The following DPP10 variants were observed in gnomAD, a reference collection of about 807,000 sequenced individuals.
The protein encoded by DPP10 is dipeptidyl peptidase like 10, also known as inactive dipeptidyl peptidase 10.
A neutral mutation model predicts 120.9 loss-of-function variants in DPP10; 33 were observed. The observed-to-expected ratio is 0.27, with a 90% CI of 0.21 to 0.37. The LOEUF is 0.37. Ranked by LOEUF, DPP10 falls within the 10% of genes least tolerant of loss-of-function variation. The probability of loss-of-function intolerance (pLI) is 1.00; values close to 1 mark genes in which losing one functional copy is unlikely to be tolerated. For missense variants in DPP10, 816 were observed against 942.8 expected, an observed-to-expected ratio of 0.87 and a Z score of 1.76; for synonymous variants, 337 against 326.1, an observed-to-expected ratio of 1.03 and a Z score of -0.36.
intron 1 of DPP10, among the ~76,000 whole-genome samples, chr2:115,067,390 T>TAC (rs1706956861): frequency 6.6e-6 from 1 of 151,488 alleles, no homozygotes; most frequent in Admixed American, 6.6e-5. Context: ...TAGCTGGGAC[T>TAC]ACAGGCGCCC....
chr2:115,373,885 A>AAG (rs3039945), intron 3 of DPP10, among the ~76,000 whole-genome samples: 35 of 146,780 alleles, frequency 2.4e-4, no homozygotes, highest in East Asian at 1.7e-3. Context: ...AGCCAAGCAG[A>AAG]AGAGAGAGAG....
chr2:115,799,996 T>G (rs1019699437), intron 19 of DPP10, among the ~76,000 whole-genome samples: 3 of 151,780 alleles, frequency 2.0e-5, no homozygotes, highest in Non-Finnish European at 2.9e-5. Flanking sequence ...TCTAGATCCC[T>G]GAGGAATCGC....
At chr2:114,533,194 G>T (rs1686188577) in intron 1 of DPP10, among the ~76,000 whole-genome samples, 1 of 152,190 alleles carries the variant, frequency 6.6e-6, no homozygotes, top group Non-Finnish European at 1.5e-5. Flanking sequence ...GGGGTGCATT[G>T]GTCCAAACTC....
intron 1 of DPP10, among the ~76,000 whole-genome samples, chr2:115,003,534 CA>C (rs539048239): frequency 2.7e-5 from 4 of 147,574 alleles, no homozygotes; most frequent in South Asian, 2.2e-4. Context: ...CAAAAACGAC[CA>C]AAAAAAAACA....
chr2:115,050,266 C>T (rs1705372995), intron 1 of DPP10: 1 of 152,170 alleles, frequency 6.6e-6, no homozygotes, highest in African/African-American at 2.4e-5. Context: ...CTGGTTCCAT[C>T]CCATACTCCT....
intron 1 of DPP10, among the ~76,000 whole-genome samples, chr2:115,024,768 T>G (rs1387307245): frequency 1.4e-5 from 2 of 147,942 alleles, no homozygotes; most frequent in Admixed American, 6.8e-5. Context: ...AAATATGTAT[T>G]TGTTATATAT....
intron 5 of DPP10, among the ~76,000 whole-genome samples, chr2:115,571,070 G>A (rs930743242): frequency 2.0e-5 from 3 of 152,200 alleles, no homozygotes; most frequent in Admixed American, 2.0e-4. Flanking sequence ...AAGCCAGGAC[G>A]AGTTCCTATG....
intron 1 of DPP10, among the ~76,000 whole-genome samples, chr2:115,094,294 C>T (rs1423456150): frequency 6.6e-6 from 1 of 152,056 alleles, no homozygotes; most frequent in African/African-American, 2.4e-5. Flanking sequence ...TTTACTGCAA[C>T]AAAAGCTCTG....
intron 3 of DPP10, among the ~76,000 whole-genome samples, chr2:115,440,653 T>G (rs2071953221): frequency 6.6e-6 from 1 of 152,210 alleles, no homozygotes; most frequent in Admixed American, 6.5e-5. Flanking sequence ...GGGACTCAAA[T>G]GCAATAATTC....
At chr2:115,377,904 T>C (rs2065942729) in intron 3 of DPP10, among the ~76,000 whole-genome samples, 1 of 152,140 alleles carries the variant, frequency 6.6e-6, no homozygotes, top group Admixed American at 6.5e-5. Context: ...TCTGTTCCAT[T>C]GGTCTATATC....
At chr2:114,735,904 C>A (rs1336429799) in intron 1 of DPP10, among the ~76,000 whole-genome samples, 2 of 152,012 alleles carry the variant, frequency 1.3e-5, no homozygotes, top group African/African-American at 4.8e-5. Context: ...TACGCAGAAA[C>A]TTCTCTACAT....
intron 5 of DPP10, among the ~76,000 whole-genome samples, chr2:115,592,861 A>G (rs1022950583): frequency 3.3e-5 from 5 of 152,242 alleles, no homozygotes; most frequent in African/African-American, 9.6e-5. Flanking sequence ...TCCCCAAAAA[A>G]GATACCTTTG....
At chr2:115,380,438 A>C (rs1051561266) in intron 3 of DPP10, among the ~76,000 whole-genome samples, 1 of 152,010 alleles carries the variant, frequency 6.6e-6, no homozygotes, top group Non-Finnish European at 1.5e-5. Flanking sequence ...TTTTGAGCCT[A>C]TGTGTGTCTC....
chr2:114,914,831 G>T (rs1694648218), intron 1 of DPP10, among the ~76,000 whole-genome samples: 1 of 152,120 alleles, frequency 6.6e-6, no homozygotes, highest in South Asian at 2.1e-4. Flanking sequence ...ACACCCATAG[G>T]CTCCAAATAA....
At chr2:115,756,568 G>T (rs902735547) in intron 11 of DPP10, among the ~76,000 whole-genome samples, 1 of 151,952 alleles carries the variant, frequency 6.6e-6, no homozygotes, top group African/African-American at 2.4e-5. Context: ...AATAAAGAAT[G>T]AATTAAAGAT....
intron 3 of DPP10, among the ~76,000 whole-genome samples, chr2:115,497,962 A>T (rs1553432262): frequency 6.6e-6 from 1 of 152,070 alleles, no homozygotes; most frequent in Non-Finnish European, 1.5e-5. Context: ...AAAAAAAAGA[A>T]CCCAATTCCT....
intron 1 of DPP10, among the ~76,000 whole-genome samples, chr2:114,699,867 G>A (rs1158522373): frequency 6.6e-6 from 1 of 152,158 alleles, no homozygotes; most frequent in East Asian, 1.9e-4. Flanking sequence ...AAATGGGAGA[G>A]TATGTGTCTA....
intron 5 of DPP10, among the ~76,000 whole-genome samples, chr2:115,570,264 C>G (rs1279305017): frequency 6.6e-6 from 1 of 152,092 alleles, no homozygotes; most frequent in East Asian, 1.9e-4. Context: ...CTGCAGAGCC[C>G]AAATAAGCAG....
Position 115,780,010 on chromosome 2 carries a change from C to T in DPP10, c.1362-864C>T, listed in dbSNP as rs187607320. 1.5e-3 allele frequency among the ~76,000 whole-genome samples: 222 copies of T among 151,934 alleles called. 1 individual carries two copies. The highest frequency in any genetic ancestry group is 3.4e-3 in the Middle Eastern group (1 of 292). On this transcript the variant is annotated intron_variant, in intron 15 of 25. Transcript: ENST00000410059. ...ACAGCGTATTGCACATCAAAATCAA[C>T]GTGAATATTGTTCATTTGTAAATAT...
Sources: gnomAD v4.1 joint callset for allele counts (sites outside exome capture counted in the v4.1 genomes callset) on GRCh38, gnomAD v4.1.1 for gene constraint, MANE v1.5 for transcripts, NCBI Gene and HGNC (gene_info 2026-07-23, HGNC 2026-07-21) for gene names.